SGCG: variants seen among roughly 807,000 people sequenced by gnomAD.
SGCG encodes the protein gamma-sarcoglycan.
SGCG carries 26 observed loss-of-function variants against 29.3 expected under a neutral mutation model. That is an observed-to-expected ratio of 0.89 (90% CI 0.65 to 1.23). The LOEUF is 1.23. SGCG is among the 50% of genes most tolerant of loss of function. The pLI, the probability that SGCG is intolerant of heterozygous loss-of-function variation, is 0.00. For missense variants in SGCG, 353 were observed against 356.0 expected (o/e 0.99, Z 0.07); for synonymous variants, 145 against 129.7 (o/e 1.12, Z -0.80).
At chr13:23,175,179 A>G in the SGCG span, among the ~76,000 whole-genome samples, 2 of 152,206 alleles carry the variant, frequency 1.3e-5, no homozygotes, top group Non-Finnish European at 2.9e-5. Flanking sequence ...AACAAATTGG[A>G]TAGATCATGT....
chr13:23,306,713 G>A (rs1882373725), intron 6 of SGCG, among the ~76,000 whole-genome samples: 1 of 152,122 alleles, frequency 6.6e-6, no homozygotes. Flanking sequence ...TCTGGTAACT[G>A]ACAACTTATG....
intron 2 of SGCG, among the ~76,000 whole-genome samples, chr13:23,208,236 T>C (rs1878054870): frequency 6.6e-6 from 1 of 152,114 alleles, no homozygotes; most frequent in Non-Finnish European, 1.5e-5. Context: ...AACCATAATT[T>C]TTCAAATTAA....
chr13:23,265,584 A>C (rs1027925602), intron 4 of SGCG, among the ~76,000 whole-genome samples: 9 of 152,194 alleles, frequency 5.9e-5, no homozygotes, highest in African/African-American at 1.4e-4. Context: ...CTCAAAAAAA[A>C]TAAATAAATA....
chr13:23,201,234 C>T lies in SGCG; in HGVS notation c.1-2461C>T, dbSNP rs142958807. Among the ~76,000 whole-genome samples the T allele has an allele frequency of 3.3e-3, 502 of 152,176 alleles. 2 individuals carry two copies. The highest frequency in any genetic ancestry group is 0.011 in the African/African-American group (473 of 41,530). ...CTCCAGCAAACCACGATAAAATTGT[C>T]TTAAATGGATACTGAAGTTTTCTCA... On this transcript the variant is annotated intron_variant, in intron 1 of 7. Coordinates refer to ENST00000218867, the MANE Select transcript of SGCG (RefSeq NM_000231.3).
chr13:23,282,132 G>A (rs931719113), intron 5 of SGCG, among the ~76,000 whole-genome samples: 1 of 152,152 alleles, frequency 6.6e-6, no homozygotes, highest in African/African-American at 2.4e-5. Flanking sequence ...TGAACTGTGA[G>A]TGTACAGACA....
Position 23,324,948 on chromosome 13 carries a change from C to T in SGCG, c.*407C>T. On this transcript the variant is annotated 3_prime_UTR_variant, in exon 8 of 8. Coordinates refer to ENST00000218867, the MANE Select transcript of SGCG (RefSeq NM_000231.3). ...AGTAGCCTTGCTCAGTACTAAAATG[C>T]CCCAAAGTTCTATACAGCATTTCCT... 1 of 279,790 alleles carries T rather than the reference C, an allele frequency of 3.6e-6. No homozygotes were observed. The highest frequency in any genetic ancestry group is 3.9e-5 in the South Asian group (1 of 25,884). The allele number at this position is 279,790 out of a possible 1,614,324, so 17.3% of individuals were successfully genotyped here. A position where few individuals can be genotyped will look rare whatever the true frequency, so the allele number is the denominator to read the frequency against.
At chr13:23,322,537 C>A (rs1421812213) in intron 7 of SGCG, among the ~76,000 whole-genome samples, 1 of 152,162 alleles carries the variant, frequency 6.6e-6, no homozygotes, top group Non-Finnish European at 1.5e-5. Context: ...CTCCCAGACT[C>A]CTTAGCTCAG....
intron 1 of SGCG, among the ~76,000 whole-genome samples, chr13:23,190,540 A>G (rs1024478706): frequency 6.6e-6 from 1 of 152,188 alleles, no homozygotes; most frequent in Admixed American, 6.5e-5. Context: ...CTACCTGCAT[A>G]TATTGGGGGT....
intron 4 of SGCG, among the ~76,000 whole-genome samples, chr13:23,263,286 A>C (rs928416163): frequency 6.6e-6 from 1 of 152,108 alleles, no homozygotes; most frequent in East Asian, 1.9e-4. Flanking sequence ...TTAGAAATGA[A>C]AATGGAGACA....
At position 23,295,460 on chromosome 13, in the gene SGCG, T is replaced by G. The variant is rs1593095374; in HGVS notation, c.551T>G (p.Val184Gly). 1 of 1,614,106 alleles carries G rather than the reference T, an allele frequency of 6.2e-7. No individual in the cohort carries two copies. Among genetic ancestry groups the G allele is most frequent in the Non-Finnish European group, 8.5e-7 (1 of 1,179,948 alleles). ...LFEHSVETPLVRADPFQDLRL... is the reference protein window; with the variant it reads ...LFEHSVETPLGRADPFQDLRL... The stretch of plus-strand genomic sequence containing the variant: ...GAACATTCAGTGGAGACACCCCTTG[T>G]CAGAGCCGACCCGTTTCAAGACCTT... The change falls in exon 6 of 8, where the codon GTC (valine) becomes GGC (glycine). Residue 184 changes from valine to glycine, a missense_variant. Coordinates refer to ENST00000218867, the MANE Select transcript of SGCG (RefSeq NM_000231.3).
the SGCG span, among the ~76,000 whole-genome samples, chr13:23,165,761 A>C: frequency 6.6e-6 from 1 of 152,138 alleles, no homozygotes; most frequent in Non-Finnish European, 1.5e-5. Context: ...TCCTGACCTC[A>C]GGTGATCCAC....
At chr13:23,288,323 A>G (rs1052927300) in intron 5 of SGCG, among the ~76,000 whole-genome samples, 14 of 152,158 alleles carry the variant, frequency 9.2e-5, no homozygotes, top group African/African-American at 2.4e-4. Context: ...ACAGCAGCCC[A>G]TAGCTCTGGT....
intron 1 of SGCG, among the ~76,000 whole-genome samples, chr13:23,195,014 A>G (rs996382986): frequency 6.6e-6 from 1 of 152,220 alleles, no homozygotes; most frequent in African/African-American, 2.4e-5. Flanking sequence ...ATTGCAGCCA[A>G]CTACTAACTT....
Position 23,320,645 on chromosome 13 carries a change from C to G in SGCG, c.587C>G (p.Ser196Cys), listed in dbSNP as rs1467243266. 6.7e-7 allele frequency: 1 copy of G among 1,501,812 alleles called. No homozygotes were observed. The highest frequency in any genetic ancestry group is 1.8e-4 in the Middle Eastern group (1 of 5,596). The allele number at this position is 1,501,812 out of a possible 1,614,324, so 93.0% of individuals were successfully genotyped here. A position where few individuals can be genotyped will look rare whatever the true frequency, so the allele number is the denominator to read the frequency against. The change falls in exon 7 of 8, where the codon TCC becomes TGC. Residue 196 changes from serine to cysteine, a missense_variant. Coordinates refer to ENST00000218867, the MANE Select transcript of SGCG (RefSeq NM_000231.3). ...ADPFQDLRLE[S>C]PTRSLSMDAP... is the part of the protein sequence containing the mutation. ...TCTTTTCCTCATCTCAGATTAGAAT[C>G]CCCCACTCGGAGTCTAAGCATGGAT...
chr13:23,236,178 C>A (rs148664827), intron 3 of SGCG, among the ~76,000 whole-genome samples: 2 of 152,130 alleles, frequency 1.3e-5, no homozygotes, highest in Admixed American at 1.3e-4. Flanking sequence ...GTGAAACAAT[C>A]CTGTCCTACA....
At chr13:23,267,915 TTCAAAC>T in intron 4 of SGCG, 1 of 152,162 alleles carries the variant, frequency 6.6e-6, no homozygotes. Flanking sequence ...GAGGAGAAGC[TTCAAAC>T]GCAAGGCTGG....
At chr13:23,288,233 A>G (rs911275362) in intron 5 of SGCG, among the ~76,000 whole-genome samples, 1 of 152,180 alleles carries the variant, frequency 6.6e-6, no homozygotes, top group Non-Finnish European at 1.5e-5. Flanking sequence ...AAGTGATAGG[A>G]AAAGAGACGG....
At chr13:23,197,009 T>G (rs1383956572) in intron 1 of SGCG, among the ~76,000 whole-genome samples, 1 of 152,202 alleles carries the variant, frequency 6.6e-6, no homozygotes, top group African/African-American at 2.4e-5. Flanking sequence ...GAAGAGCAAC[T>G]TGTATAGACT....
chr13:23,163,036 T>C, the SGCG span, among the ~76,000 whole-genome samples: 27 of 152,284 alleles, frequency 1.8e-4, no homozygotes, highest in East Asian at 1.5e-3. Context: ...GGTACAATAA[T>C]TCATACTTAA....
Sources: allele counts gnomAD v4.1 joint callset (sites outside exome capture counted in the v4.1 genomes callset), GRCh38; gene constraint gnomAD v4.1.1; transcripts MANE v1.5; gene names NCBI Gene and HGNC (gene_info 2026-07-23, HGNC 2026-07-21).